The following ADAMTSL2 variants were observed in gnomAD, a reference collection of about 807,000 sequenced individuals.
The protein encoded by ADAMTSL2 is ADAMTS like 2.
In ADAMTSL2, 55 loss-of-function variants were observed where a neutral mutation model predicts 117.0. That is an observed-to-expected ratio of 0.47 (90% confidence interval 0.38 to 0.59). The LOEUF (loss-of-function observed/expected upper bound fraction) is 0.59. Ranked by LOEUF, ADAMTSL2 falls within the 20% of genes least tolerant of loss-of-function variation. The pLI is 0.00. For missense variants in ADAMTSL2, 1,182 were observed against 1,354.5 expected (o/e 0.87, Z 2.00); for synonymous variants, 572 against 566.4 (o/e 1.01, Z -0.14).
chr9:133,564,675 GGAGA>G lies in ADAMTSL2; in HGVS notation c.1748-2253_1748-2250del, dbSNP rs112798262. On this transcript the variant is annotated intron_variant, in intron 12 of 18. Coordinates refer to ENST00000651351, the MANE Select transcript of ADAMTSL2 (RefSeq NM_014694.4). ...GAGAGAGGGAGAGAGAGAGGGAGAG[GGAGA>G]GAGAGAGGGAGAGGGAGAGAGAGAG... Among the ~76,000 whole-genome samples, 188 of 79,032 alleles carry G rather than the reference GGAGA, an allele frequency of 2.4e-3. 3 individuals are homozygous for G. The highest frequency in any genetic ancestry group is 8.8e-3 in the African/African-American group (181 of 20,676). The allele number at this position is 79,032 out of a possible 152,430, so 51.8% of individuals were successfully genotyped here. A position where few individuals can be genotyped will look rare whatever the true frequency, so the allele number is the denominator to read the frequency against.
In ADAMTSL2 at chr9:133,568,668, G is replaced by A; in HGVS notation, c.2154G>A (p.Lys718=). ...ACATCCGCTGCTCGGAGGATGAGAA[G>A]CTGTGTGACCCCAACACCAGGCCTG... ...TRDIRCSEDE[K]LCDPNTRPVG... Residue 718 remains lysine (K), a synonymous_variant, in exon 15 of 19, where the codon AAG becomes AAA. Transcript: ENST00000651351. 5.0e-6 allele frequency: 8 copies of A among 1,613,506 alleles called. No homozygotes were observed. The South Asian group carries it at 7.7e-5, about 16-fold the overall frequency.
intron 12 of ADAMTSL2, among the ~76,000 whole-genome samples, chr9:133,562,870 A>G (rs7469350): frequency 1.1e-5 from 1 of 93,370 alleles, no homozygotes; most frequent in Non-Finnish European, 2.1e-5. Flanking sequence ...CCGCTGTGGG[A>G]GGCGTGGTGG....
At position 133,568,307 on chromosome 9, in the gene ADAMTSL2, A is replaced by T; in HGVS notation, c.1909A>T (p.Thr637Ser). The change falls in exon 14 of 19, where the codon ACC becomes TCC. Residue 637 changes from threonine (T) to serine (S), a missense_variant. Physicochemically the swap from Thr to Ser is moderately conservative, Grantham distance 58 (BLOSUM62 1). Around this residue, in one of 3 missense-constraint regions of ADAMTSL2, gnomAD observed 465 missense variants for 565.3 expected, o/e 0.82. Transcript: ENST00000651351. Reference sequence around the variant, plus strand: ...GAGCAGCTGGAGCGAGTGTTCGCGCACCTGCGGAGAGGGCTACCAGTTCCG... The same window carrying T: ...GAGCAGCTGGAGCGAGTGTTCGCGCTCCTGCGGAGAGGGCTACCAGTTCCG... ...ETSSWSECSR[T>S]CGEGYQFRVV... 2 of 1,577,362 alleles carry T rather than the reference A, an allele frequency of 1.3e-6. No individual in the cohort carries two copies. The highest frequency in any genetic ancestry group is 1.7e-6 in the Non-Finnish European group (2 of 1,162,678).
In ADAMTSL2 at chr9:133,573,847, C is replaced by T. The variant is rs1831166200; in HGVS notation, c.2597C>T (p.Thr866Ile). Residue 866 changes from threonine to isoleucine, a missense_variant, in exon 18 of 19, where the codon ACC becomes ATC. By Grantham distance (89) the Thr-to-Ile change is moderately conservative. Coordinates refer to ENST00000651351, the MANE Select transcript of ADAMTSL2 (RefSeq NM_014694.4). ...KWYTSPWSEC[T>I]KTCGVGVRMR... ...CTTCTGTCTCTCCCACACCAGTGCA[C>T]CAAGACCTGCGGGGTGGGCGTGAGG... 2 of 1,614,066 alleles carry T rather than the reference C, an allele frequency of 1.2e-6. No homozygotes were observed. Among genetic ancestry groups the T allele is most frequent in the Middle Eastern group, 1.6e-4 (1 of 6,062 alleles).
upstream of ADAMTSL2, among the ~76,000 whole-genome samples, chr9:133,533,699 C>A (rs537017026): frequency 1.3e-5 from 2 of 152,308 alleles, no homozygotes; most frequent in Non-Finnish European, 1.5e-5. Flanking sequence ...CAAGTTTCTT[C>A]CAGCAGGGAG....
In ADAMTSL2 at chr9:133,534,857, G is replaced by A. The variant is rs546297514; in HGVS notation, c.-211G>A. On this transcript the variant is annotated 5_prime_UTR_variant, in exon 1 of 19. Coordinates refer to ENST00000651351, the MANE Select transcript of ADAMTSL2 (RefSeq NM_014694.4). ...CCGCACGCACAGCGCACCTGGCGCC[G>A]TCTGCCCTCCGCAGCGCTCGCCCCT... The A allele has an allele frequency of 1.3e-6, 2 of 1,493,008 alleles. No individual in the cohort carries two copies. Among genetic ancestry groups the A allele is most frequent in the East Asian group, 2.8e-5 (1 of 35,556 alleles). 92.5% of individuals were successfully genotyped at this position (1,493,008 alleles called of 1,614,324 possible). A position where few individuals can be genotyped will look rare whatever the true frequency, so the allele number is the denominator to read the frequency against.
intron 8 of ADAMTSL2, 63 bp downstream of exon 8, chr9:133,544,613 C>A: frequency 7.1e-7 from 1 of 1,405,390 alleles, no homozygotes; most frequent in South Asian, 1.2e-5. Context: ...TTGTGCGTGG[C>A]AGAGAAGGGG....
intron 12 of ADAMTSL2, among the ~76,000 whole-genome samples, chr9:133,566,688 G>A (rs1830981169): frequency 6.8e-6 from 1 of 146,054 alleles, no homozygotes; most frequent in African/African-American, 2.5e-5. Context: ...CCCGGACTCC[G>A]TGACATGGGA....
At position 133,537,528 on chromosome 9, in the gene ADAMTSL2, C is replaced by T. The variant is rs759627493; in HGVS notation, c.214C>T (p.Arg72Trp). 7 of 1,348,632 alleles carry T rather than the reference C, an allele frequency of 5.2e-6. No individual in the cohort carries two copies. Among genetic ancestry groups the T allele is most frequent in the Non-Finnish European group, 6.7e-6 (7 of 1,040,938 alleles). The allele number at this position is 1,348,632 out of a possible 1,614,324, so 83.5% of individuals were successfully genotyped here. ...CGGGGGTGGGGTGACATCCCAGGAG[C>T]GGCACTGCCTGCAGCAGAGGTGCGA... is the stretch of plus-strand genomic sequence containing the variant. ...SCGGGVTSQE[R>W]HCLQQRRKSV... Residue 72 changes from arginine to tryptophan, a missense_variant, in exon 3 of 19, where the codon CGG becomes TGG. Coordinates refer to ENST00000651351, the MANE Select transcript of ADAMTSL2 (RefSeq NM_014694.4).
intron 8 of ADAMTSL2, 70 bp downstream of exon 8, chr9:133,544,620 G>C (rs1454676422): frequency 7.4e-7 from 1 of 1,347,146 alleles, no homozygotes; most frequent in Non-Finnish European, 1.1e-6. Flanking sequence ...TGGCAGAGAA[G>C]GGGCACTTGA....
intron 9 of ADAMTSL2, among the ~76,000 whole-genome samples, chr9:133,547,994 A>C (rs988349552): frequency 6.6e-6 from 1 of 152,260 alleles, no homozygotes; most frequent in African/African-American, 2.4e-5. Flanking sequence ...CACTGAAGTC[A>C]GGTGACATCA....
intron 9 of ADAMTSL2, among the ~76,000 whole-genome samples, chr9:133,548,879 A>G (rs188939461): frequency 5.7e-4 from 87 of 152,330 alleles, no homozygotes; most frequent in Admixed American, 1.4e-3. Flanking sequence ...TGGCAGGGGA[A>G]CAGCCCCTCT....
intron 12 of ADAMTSL2, among the ~76,000 whole-genome samples, chr9:133,563,084 T>C (rs1830784951): frequency 6.6e-6 from 1 of 152,256 alleles, no homozygotes; most frequent in African/African-American, 2.4e-5. Context: ...TGCCAAAGCC[T>C]TCCGAGCCAC....
At chr9:133,533,707 G>A (rs1829986532), upstream of ADAMTSL2, among the ~76,000 whole-genome samples, 1 of 152,180 alleles carries the variant, frequency 6.6e-6, no homozygotes, top group Admixed American at 6.5e-5. Flanking sequence ...TTCCAGCAGG[G>A]AGGACAGAGG....
chr9:133,573,821 C>A lies in ADAMTSL2; in HGVS notation c.2593-22C>A. The A allele has an allele frequency of 1.9e-6, 3 of 1,613,936 alleles. No individual in the cohort carries two copies. The South Asian group carries it at 3.3e-5, about 18-fold the overall frequency. On this transcript the variant is annotated intron_variant, in intron 17 of 18. Transcript: ENST00000651351. ...GCCCCATCAGGAGGCTTTCCCCATG[C>A]CTTCTGTCTCTCCCACACCAGTGCA...
At chr9:133,541,106 T>A in intron 7 of ADAMTSL2, 105 bp downstream of exon 7, 1 of 1,502,420 alleles carries the variant, frequency 6.7e-7, no homozygotes, top group Non-Finnish European at 9.0e-7. Flanking sequence ...GGGCAAGTTC[T>A]TCCCCTCTAG....
chr9:133,550,445 G>A (rs1199268149), intron 9 of ADAMTSL2, among the ~76,000 whole-genome samples: 6 of 152,182 alleles, frequency 3.9e-5, no homozygotes, highest in Admixed American at 2.6e-4. Flanking sequence ...GCTATAAAGC[G>A]GGTCCCTTTG....
At chr9:133,537,733 T>C (rs1487800396) in intron 3 of ADAMTSL2, among the ~76,000 whole-genome samples, 186 bp downstream of exon 3, 1 of 152,202 alleles carries the variant, frequency 6.6e-6, no homozygotes, top group East Asian at 1.9e-4. Context: ...CCAGCACTGG[T>C]GCTCTGGGGT....
intron 2 of ADAMTSL2, among the ~76,000 whole-genome samples, chr9:133,537,004 C>T (rs935141403): frequency 1.2e-4 from 18 of 152,334 alleles, no homozygotes; most frequent in Non-Finnish European, 1.9e-4. Context: ...GAGCCCCTGG[C>T]GACTTGGCAG....
Sources: gnomAD v4.1 joint callset for allele counts (sites outside exome capture counted in the v4.1 genomes callset) on GRCh38, gnomAD v4.1.1 for gene constraint, gnomAD v4.1.1 regional missense constraint, MANE v1.5 for transcripts, NCBI Gene and HGNC (gene_info 2026-07-23, HGNC 2026-07-21) for gene names.